The following GRIN2B variants were observed in gnomAD, a reference collection of about 807,000 sequenced individuals.
GRIN2B encodes the protein glutamate receptor ionotropic, NMDA 2B.
A neutral mutation model predicts 114.5 loss-of-function variants in GRIN2B; 5 were observed. The observed-to-expected ratio is 0.04, with a 90% CI of 0.02 to 0.09. The LOEUF is 0.09. Among genes scored for constraint, GRIN2B ranks in the 10% least tolerant of loss-of-function variants. The pLI is 1.00. For synonymous variants in GRIN2B, 787 were observed against 745.1 expected (o/e 1.06, Z -0.92); for missense variants, 1,108 against 1,943.5 (o/e 0.57, Z 8.08).
At chr12:13,857,372 T>TAC (rs142914230) in intron 3 of GRIN2B, among the ~76,000 whole-genome samples, 27,131 of 147,562 alleles carry the variant, frequency 0.18, 2,532 homozygotes, top group Admixed American at 0.29. Context: ...CACGCGTGCA[T>TAC]ACACACACAC....
At chr12:13,945,094 T>C (rs770127368) in intron 2 of GRIN2B, among the ~76,000 whole-genome samples, 11 of 152,268 alleles carry the variant, frequency 7.2e-5, no homozygotes, top group African/African-American at 1.2e-4. Context: ...AGTGGTTCAA[T>C]AGAAGTTCCT....
rs1047503533 is a variant in GRIN2B at position 13,558,627 on chromosome 12, T to G, written c.*4156A>C. The stretch of plus-strand genomic sequence containing the variant: ...ACTTAACTGTATAGACAACTCCTAC[T>G]GTATCATGTCATACATGCGTTTTTG... On this transcript the variant is annotated 3_prime_UTR_variant, in exon 14 of 14. Transcript: ENST00000609686. The G allele has an allele frequency of 2.0e-5, 3 of 152,236 alleles. No homozygotes were observed. The highest frequency in any genetic ancestry group is 4.4e-5 in the Non-Finnish European group (3 of 68,044). 9.4% of individuals were successfully genotyped at this position (152,236 alleles called of 1,614,324 possible). A position where few individuals can be genotyped will look rare whatever the true frequency, so the allele number is the denominator to read the frequency against.
At chr12:13,844,270 T>C (rs1865432656) in intron 3 of GRIN2B, among the ~76,000 whole-genome samples, 1 of 152,242 alleles carries the variant, frequency 6.6e-6, no homozygotes, top group Admixed American at 6.5e-5. Flanking sequence ...ATCCTTCTCC[T>C]TATTTTAAAA....
chr12:13,694,656 C>CATATATATATATATAT (rs67570541), intron 4 of GRIN2B, among the ~76,000 whole-genome samples: 1 of 71,404 alleles, frequency 1.4e-5, no homozygotes, highest in African/African-American at 7.3e-5. Flanking sequence ...AAGAAAATGT[C>CATATATATATATATAT]ATATATATAT....
intron 3 of GRIN2B, among the ~76,000 whole-genome samples, chr12:13,826,475 A>C (rs944602927): frequency 3.3e-5 from 5 of 151,994 alleles, no homozygotes; most frequent in Admixed American, 1.3e-4. Flanking sequence ...ATTTCAAAAA[A>C]TAAATAAATA....
chr12:13,745,270 C>A (rs564566231), intron 4 of GRIN2B, among the ~76,000 whole-genome samples: 188 of 152,230 alleles, frequency 1.2e-3, no homozygotes, highest in Non-Finnish European at 5.6e-4. Flanking sequence ...CCCATCCTTA[C>A]CCCCACCCAG....
chr12:13,610,804 G>A (rs1313898658), intron 9 of GRIN2B, among the ~76,000 whole-genome samples: 1 of 152,184 alleles, frequency 6.6e-6, no homozygotes, highest in Non-Finnish European at 1.5e-5. Context: ...ACATACAGTG[G>A]TCTAAGCCCC....
intron 2 of GRIN2B, among the ~76,000 whole-genome samples, chr12:13,910,767 C>A (rs1341728090): frequency 6.6e-6 from 1 of 152,210 alleles, no homozygotes; most frequent in South Asian, 2.1e-4. Flanking sequence ...AATCCTTTAG[C>A]ATGACTGAAA....
At chr12:13,657,388 G>T (rs1253444144) in intron 5 of GRIN2B, among the ~76,000 whole-genome samples, 1 of 152,128 alleles carries the variant, frequency 6.6e-6, no homozygotes, top group East Asian at 1.9e-4. Context: ...GTTTAAAAAG[G>T]CATTTAAGAG....
At chr12:13,950,618 C>T (rs1232536225) in intron 2 of GRIN2B, among the ~76,000 whole-genome samples, 1 of 152,144 alleles carries the variant, frequency 6.6e-6, no homozygotes, top group Admixed American at 6.5e-5. Context: ...CTAGGTTTCT[C>T]ATTTGCCAGA....
chr12:13,727,661 T>C (rs1306571352), intron 4 of GRIN2B, among the ~76,000 whole-genome samples: 4 of 152,202 alleles, frequency 2.6e-5, no homozygotes, highest in African/African-American at 9.7e-5. Flanking sequence ...ACCCATTATT[T>C]CTGCAGAGTT....
intron 5 of GRIN2B, among the ~76,000 whole-genome samples, chr12:13,656,339 C>CA (rs1166450003): frequency 6.6e-6 from 1 of 152,032 alleles, no homozygotes; most frequent in Non-Finnish European, 1.5e-5. Context: ...AACGAACAAA[C>CA]AAAAAGAGAC....
At position 13,548,606 on chromosome 12, in the gene GRIN2B, G is replaced by T. The variant is rs1565445242; in HGVS notation, c.*14177C>A. 6.6e-6 allele frequency: 1 copy of T among 152,030 alleles called. No individual in the cohort carries two copies. Among genetic ancestry groups the T allele is most frequent in the East Asian group, 1.9e-4 (1 of 5,148 alleles). The allele number at this position is 152,030 out of a possible 1,614,324, so 9.4% of individuals were successfully genotyped here. A position where few individuals can be genotyped will look rare whatever the true frequency, so the allele number is the denominator to read the frequency against. On this transcript the variant is annotated 3_prime_UTR_variant, in exon 14 of 14. Coordinates refer to ENST00000609686, the MANE Select transcript of GRIN2B (RefSeq NM_000834.5). Reference sequence around the variant, plus strand: ...GTTTTTCAGGATCATCATGATCCAGGTATCTGTAATGACACTCATGAAAAA... The same window carrying T: ...GTTTTTCAGGATCATCATGATCCAGTTATCTGTAATGACACTCATGAAAAA...
In GRIN2B at chr12:13,718,092, G is replaced by A. The variant is rs773100725; in HGVS notation, c.1010+35225C>T. On this transcript the variant is annotated intron_variant, in intron 4 of 13. Coordinates refer to ENST00000609686, the MANE Select transcript of GRIN2B (RefSeq NM_000834.5). ...GGAAGTCTTTGCCTCTCACAGACAT[G>A]ATTATGTTTGACATGGTGACCCTAG... Among the ~76,000 whole-genome samples the A allele has an allele frequency of 3.3e-5, 5 of 152,098 alleles. No individual in the cohort carries two copies. The South Asian group carries it at 6.2e-4, about 19-fold the overall frequency.
intron 4 of GRIN2B, 61 bp from the exon 5 acceptor site, chr12:13,675,920 A>C (rs1950070227): frequency 2.2e-6 from 2 of 916,218 alleles, no homozygotes; most frequent in African/African-American, 3.2e-5. Context: ...TGAACAAGGC[A>C]GTCAGGTATA....
chr12:13,733,487 CT>C (rs1863123087), intron 4 of GRIN2B, among the ~76,000 whole-genome samples: 1 of 152,106 alleles, frequency 6.6e-6, no homozygotes, highest in South Asian at 2.1e-4. Context: ...TAAAATAAAT[CT>C]TTTCAATCAA....
chr12:13,695,662 G>C (rs1377486033), intron 4 of GRIN2B, among the ~76,000 whole-genome samples: 1 of 152,144 alleles, frequency 6.6e-6, no homozygotes, highest in African/African-American at 2.4e-5. Context: ...GGCCAATTGT[G>C]AAGCTTTTGA....
intron 4 of GRIN2B, among the ~76,000 whole-genome samples, chr12:13,705,783 G>A (rs952137748): frequency 6.6e-6 from 1 of 152,120 alleles, no homozygotes; most frequent in Non-Finnish European, 1.5e-5. Flanking sequence ...TAATCAAGAT[G>A]GCTAAAGACA....
At chr12:13,708,666 A>G (rs764832215) in intron 4 of GRIN2B, among the ~76,000 whole-genome samples, 17 of 152,058 alleles carry the variant, frequency 1.1e-4, no homozygotes, top group Non-Finnish European at 2.5e-4. Flanking sequence ...TTCTTTCTAT[A>G]AAATATCATT....
Sources: allele counts gnomAD v4.1 joint callset (sites outside exome capture counted in the v4.1 genomes callset), GRCh38; gene constraint gnomAD v4.1.1; transcripts MANE v1.5; gene names NCBI Gene and HGNC (gene_info 2026-07-23, HGNC 2026-07-21).